Variants in DNAH3 observed in about 807,000 individuals in gnomAD.
The protein encoded by DNAH3 is axonemal beta dynein heavy chain 3.
DNAH3 carries 332 observed loss-of-function variants against 432.5 expected under a neutral mutation model. The ratio of observed to expected loss-of-function variants is 0.77; its 90% CI spans 0.70 to 0.84. The LOEUF (loss-of-function observed/expected upper bound fraction) is 0.84. Ranked by LOEUF, DNAH3 falls within the 40% of genes least tolerant of loss-of-function variation. The pLI, the probability that DNAH3 is intolerant of heterozygous loss-of-function variation, is 0.00. For synonymous variants in DNAH3, 1,956 were observed against 1,900.2 expected, an observed-to-expected ratio of 1.03 and a Z score of -0.76; for missense variants, 4,861 against 5,114.0, an observed-to-expected ratio of 0.95 and a Z score of 1.51.
chr16:21,055,347 C>T (rs370695539), intron 27 of DNAH3, among the ~76,000 whole-genome samples: 39 of 152,172 alleles, frequency 2.6e-4, no homozygotes, highest in African/African-American at 8.9e-4. Flanking sequence ...TGAGCCACCA[C>T]GCCCGGCCTG....
At chr16:20,943,986 AAAAAAAAAAG>A (rs1357932022) in intron 58 of DNAH3, among the ~76,000 whole-genome samples, 2 of 151,474 alleles carry the variant, frequency 1.3e-5, no homozygotes, top group East Asian at 3.9e-4. Flanking sequence ...CGTGTCTCAA[AAAAAAAAAAG>A]AAAAGAAAAG....
At chr16:20,989,070 A>G (rs1415959881) in intron 44 of DNAH3, among the ~76,000 whole-genome samples, 2 of 152,202 alleles carry the variant, frequency 1.3e-5, no homozygotes, top group African/African-American at 4.8e-5. Context: ...CAAAGAGCGA[A>G]AGAACAAAGC....
chr16:21,074,823 C>A (rs1286133986), intron 21 of DNAH3, among the ~76,000 whole-genome samples: 1 of 152,222 alleles, frequency 6.6e-6, no homozygotes, highest in Non-Finnish European at 1.5e-5. Context: ...CTACCTCACA[C>A]CCTATCCCAA....
intron 14 of DNAH3, 21 bp from the exon 15 acceptor site, chr16:21,106,695 T>C (rs767819708): frequency 6.9e-7 from 1 of 1,456,668 alleles, no homozygotes; most frequent in Admixed American, 1.9e-5. Flanking sequence ...GAAACAGCCA[T>C]TGTTATCATC....
intron 36 of DNAH3, among the ~76,000 whole-genome samples, chr16:21,032,396 G>A (rs2088929998): frequency 6.6e-6 from 1 of 152,030 alleles, no homozygotes; most frequent in African/African-American, 2.4e-5. Flanking sequence ...AAACTCAATT[G>A]GAACGTACAG....
At chr16:20,952,018 C>T (rs973458273) in intron 56 of DNAH3, among the ~76,000 whole-genome samples, 1 of 152,048 alleles carries the variant, frequency 6.6e-6, no homozygotes, top group African/African-American at 2.4e-5. Flanking sequence ...GCTGGGCTTA[C>T]AGGCGTGAGC....
In DNAH3 at chr16:21,116,368, G is replaced by A. The variant is rs188135710; in HGVS notation, c.1814+835C>T. On this transcript the variant is annotated intron_variant, in intron 12 of 61. Transcript: ENST00000261383. Reference sequence around the variant, plus strand: ...GAGCGGTTACCCTCATGCTGTTCTCGTGACAGTGAGTTCTCACGAGATCTG... The same window carrying A: ...GAGCGGTTACCCTCATGCTGTTCTCATGACAGTGAGTTCTCACGAGATCTG... Among the ~76,000 whole-genome samples the A allele has an allele frequency of 4.6e-4, 70 of 151,840 alleles. 1 individual carries two copies. The East Asian group carries it at 0.013, about 27-fold the overall frequency.
At chr16:21,113,456 A>AGTTTT (rs1567812870) in intron 12 of DNAH3, among the ~76,000 whole-genome samples, 1 of 151,114 alleles carries the variant, frequency 6.6e-6, no homozygotes, top group African/African-American at 2.4e-5. Flanking sequence ...AGTTGTCTTT[A>AGTTTT]ATTTTATTTT....
At position 20,935,366 on chromosome 16, in the gene DNAH3, G is replaced by A. The variant is rs774335671; in HGVS notation, c.11979C>T (p.His3993=). ...CCCCTACCTCAAACTCAAATCCAATGTGGTCAATGGGGATGGTATATTTCC... is the reference window on the plus strand; with the variant it reads ...CCCCTACCTCAAACTCAAATCCAATATGGTCAATGGGGATGGTATATTTCC... Residue 3993 remains histidine, a synonymous_variant, in exon 61 of 62, where the codon CAC becomes CAT. Coordinates refer to ENST00000261383, the Ensembl canonical transcript of DNAH3. 2.5e-6 allele frequency: 4 copies of A among 1,613,960 alleles called. No homozygotes were observed. In the South Asian group the frequency reaches 4.4e-5, roughly 18 times the overall value.
At chr16:21,051,937 A>G in intron 28 of DNAH3, 69 bp from the exon 29 acceptor site, 1 of 1,282,590 alleles carries the variant, frequency 7.8e-7, no homozygotes, top group Admixed American at 1.7e-5. Context: ...TAAGCTCCTC[A>G]GTTACAAGTG....
At chr16:21,128,016 G>A (rs1790932122) in intron 7 of DNAH3, among the ~76,000 whole-genome samples, 1 of 152,048 alleles carries the variant, frequency 6.6e-6, no homozygotes, top group Non-Finnish European at 1.5e-5. Flanking sequence ...TTGCAGGGAG[G>A]AGACAAATGA....
intron 44 of DNAH3, among the ~76,000 whole-genome samples, chr16:20,993,671 C>A (rs962375778): frequency 2.6e-5 from 4 of 152,072 alleles, no homozygotes; most frequent in Admixed American, 1.3e-4. Flanking sequence ...TGTCTAGCTG[C>A]CCAAAAGTTT....
intron 40 of DNAH3, among the ~76,000 whole-genome samples, chr16:21,021,265 T>C (rs906522671): frequency 2.6e-5 from 4 of 152,232 alleles, no homozygotes; most frequent in Non-Finnish European, 5.9e-5. Context: ...GTGAAAGTGC[T>C]GGATCAATAA....
At chr16:20,982,667 G>T in intron 49 of DNAH3, 54 bp downstream of exon 49, 1 of 1,468,910 alleles carries the variant, frequency 6.8e-7, no homozygotes, top group Non-Finnish European at 9.3e-7. Flanking sequence ...TAGAGCCAGC[G>T]TCTGGACTTC....
intron 7 of DNAH3, 79 bp from the exon 9 acceptor site, chr16:21,127,891 G>C (rs1025297893): frequency 7.9e-6 from 12 of 1,524,944 alleles, no homozygotes; most frequent in Non-Finnish European, 1.1e-5. Flanking sequence ...CCAAGGGTGT[G>C]TGTTCACGTT....
intron 58 of DNAH3, 23 bp from the exon 59 acceptor site, chr16:20,941,566 G>C (rs1288318815): frequency 1.9e-6 from 3 of 1,613,162 alleles, no homozygotes; most frequent in Non-Finnish European, 2.5e-6. Context: ...GCAGAAGAGA[G>C]GTGAGTGAGA....
At chr16:21,134,128 G>A (rs998354540) in intron 7 of DNAH3, 131 bp downstream of exon 8, 3 of 873,124 alleles carry the variant, frequency 3.4e-6, no homozygotes, top group Non-Finnish European at 5.2e-6. Flanking sequence ...ATGCATATTT[G>A]GCCTAGATTT....
chr16:21,034,583 T>C (rs1429377969), intron 35 of DNAH3, among the ~76,000 whole-genome samples: 1 of 152,248 alleles, frequency 6.6e-6, no homozygotes, highest in East Asian at 1.9e-4. Flanking sequence ...GGAAACTTTC[T>C]TTCTTGAGAT....
intron 61 of DNAH3, among the ~76,000 whole-genome samples, chr16:20,933,919 G>A (rs1023547319): frequency 1.3e-5 from 2 of 152,168 alleles, no homozygotes; most frequent in African/African-American, 2.4e-5. Context: ...TCTAGTTTTT[G>A]TGGTATAAAG....
Sources: gnomAD v4.1 joint callset for allele counts (sites outside exome capture counted in the v4.1 genomes callset) on GRCh38, gnomAD v4.1.1 for gene constraint, MANE v1.5 for transcripts, NCBI Gene and HGNC (gene_info 2026-07-23, HGNC 2026-07-21) for gene names.